The following TBC1D32 variants were observed in gnomAD, a reference collection of about 807,000 sequenced individuals.
The protein encoded by TBC1D32 is protein broad-minded.
Under a neutral mutation model 170.3 loss-of-function variants are expected in TBC1D32, and 151 were observed. That is an observed-to-expected ratio of 0.89 (90% CI 0.78 to 1.01). The LOEUF (loss-of-function observed/expected upper bound fraction) is 1.01, where lower values mean the gene tolerates loss of function less well. TBC1D32 is among the 50% of genes least tolerant of loss of function. The probability of loss-of-function intolerance (pLI) is 0.00; values close to 1 mark genes in which losing one functional copy is unlikely to be tolerated. For missense variants in TBC1D32, 1,464 were observed against 1,457.1 expected, an observed-to-expected ratio of 1.00 and a Z score of -0.08; for synonymous variants, 498 against 488.0, an observed-to-expected ratio of 1.02 and a Z score of -0.27.
intron 11 of TBC1D32, among the ~76,000 whole-genome samples, chr6:121,294,035 AAAGACTAAGAG>A (rs1805255720): frequency 6.6e-6 from 1 of 152,208 alleles, no homozygotes; most frequent in Non-Finnish European, 1.5e-5. Context: ...AATGCAAAAA[AAAGACTAAGAG>A]AAGATTCATT....
At chr6:121,223,071 T>C (rs1006593961) in intron 21 of TBC1D32, among the ~76,000 whole-genome samples, 165 bp downstream of exon 21, 4 of 152,200 alleles carry the variant, frequency 2.6e-5, no homozygotes, top group Non-Finnish European at 4.4e-5. Context: ...ATTCCACGCA[T>C]AGAAAATTCA....
At chr6:121,161,992 C>A (rs755869196) in intron 22 of TBC1D32, among the ~76,000 whole-genome samples, 2 of 152,100 alleles carry the variant, frequency 1.3e-5, no homozygotes, top group African/African-American at 2.4e-5. Context: ...TTTTGAGAAG[C>A]ATCTGTTCAT....
At chr6:121,253,127 G>GCTT (rs1798509734) in intron 17 of TBC1D32, among the ~76,000 whole-genome samples, 1 of 152,002 alleles carries the variant, frequency 6.6e-6, no homozygotes, top group South Asian at 2.1e-4. Flanking sequence ...AAACTAAAGA[G>GCTT]CTTCTGCACA....
At chr6:121,183,206 A>G (rs1354709287) in intron 22 of TBC1D32, among the ~76,000 whole-genome samples, 4 of 152,086 alleles carry the variant, frequency 2.6e-5, no homozygotes, top group Non-Finnish European at 5.9e-5. Context: ...AAGTTTCTGT[A>G]CACCGAAGGA....
intron 22 of TBC1D32, among the ~76,000 whole-genome samples, chr6:121,199,435 G>A (rs1230751790): frequency 2.6e-5 from 4 of 151,176 alleles, no homozygotes; most frequent in Non-Finnish European, 4.4e-5. Context: ...GCATAATAGG[G>A]TTAACAGTGG....
intron 15 of TBC1D32, among the ~76,000 whole-genome samples, chr6:121,267,814 G>A (rs1325119466): frequency 1.3e-5 from 2 of 152,114 alleles, no homozygotes; most frequent in Admixed American, 6.6e-5. Flanking sequence ...CTCCTCAAGT[G>A]GGTCCCTGTC....
intron 15 of TBC1D32, among the ~76,000 whole-genome samples, chr6:121,277,466 C>T (rs141306298): frequency 4.4e-5 from 5 of 114,626 alleles, no homozygotes; most frequent in Admixed American, 1.3e-4. Flanking sequence ...CCAGCCTGGG[C>T]GACAGAGAAA....
chr6:121,238,295 T>G (rs1796556359), intron 20 of TBC1D32, among the ~76,000 whole-genome samples: 1 of 152,126 alleles, frequency 6.6e-6, no homozygotes, highest in Admixed American at 6.6e-5. Flanking sequence ...TACCACTCTA[T>G]TCATCCATAT....
At chr6:121,312,025 T>TA (rs1246505211) in intron 3 of TBC1D32, among the ~76,000 whole-genome samples, 1 of 152,024 alleles carries the variant, frequency 6.6e-6, no homozygotes, top group African/African-American at 2.4e-5. Flanking sequence ...TACGCAGCCA[T>TA]AAAAAAGGAT....
chr6:121,135,312 T>C (rs1332058095), intron 24 of TBC1D32, among the ~76,000 whole-genome samples: 1 of 152,184 alleles, frequency 6.6e-6, no homozygotes, highest in East Asian at 1.9e-4. Flanking sequence ...TTTCTATATT[T>C]ATAATCAGGA....
intron 20 of TBC1D32, among the ~76,000 whole-genome samples, chr6:121,231,279 G>A (rs1316273449): frequency 6.6e-6 from 1 of 152,040 alleles, no homozygotes; most frequent in Non-Finnish European, 1.5e-5. Context: ...TGGCTGAGTA[G>A]TATTCCATGG....
At chr6:121,244,409 T>C (rs889791843) in intron 17 of TBC1D32, among the ~76,000 whole-genome samples, 7 of 152,064 alleles carry the variant, frequency 4.6e-5, no homozygotes, top group African/African-American at 1.7e-4. Flanking sequence ...ATGTCCTTTG[T>C]GTTAAGCTAC....
intron 12 of TBC1D32, among the ~76,000 whole-genome samples, chr6:121,289,261 A>G (rs531030102): frequency 1.3e-5 from 2 of 152,294 alleles, no homozygotes; most frequent in East Asian, 1.9e-4. Context: ...AAACCCCATC[A>G]TCTCAGCCCA....
At chr6:121,137,081 T>C (rs1249239311) in intron 24 of TBC1D32, among the ~76,000 whole-genome samples, 1 of 152,106 alleles carries the variant, frequency 6.6e-6, no homozygotes, top group African/African-American at 2.4e-5. Flanking sequence ...TAATATGTCC[T>C]GATAAGAGGT....
chr6:121,149,749 C>T (rs776322598), intron 24 of TBC1D32, among the ~76,000 whole-genome samples: 14 of 152,072 alleles, frequency 9.2e-5, no homozygotes, highest in Non-Finnish European at 1.3e-4. Flanking sequence ...GGCTCTCTAT[C>T]GGTTCCACAT....
At chr6:121,289,594 A>G (rs190501943) in intron 12 of TBC1D32, among the ~76,000 whole-genome samples, 5 of 152,356 alleles carry the variant, frequency 3.3e-5, no homozygotes, top group Admixed American at 2.6e-4. Context: ...TATAGATTCA[A>G]TCCCATCCCC....
intron 26 of TBC1D32, among the ~76,000 whole-genome samples, chr6:121,123,475 C>T (rs73768914): frequency 0.032 from 4,891 of 152,140 alleles, 264 homozygotes; most frequent in African/African-American, 0.11. Flanking sequence ...GATCCCTTTA[C>T]CATTATATAA....
At chr6:121,148,841 T>C (rs1783823551) in intron 24 of TBC1D32, among the ~76,000 whole-genome samples, 1 of 152,108 alleles carries the variant, frequency 6.6e-6, no homozygotes, top group Non-Finnish European at 1.5e-5. Flanking sequence ...GTTGAACTCC[T>C]GACCTCAGGT....
At chr6:121,147,806 A>T (rs1217474727) in intron 24 of TBC1D32, among the ~76,000 whole-genome samples, 2 of 151,512 alleles carry the variant, frequency 1.3e-5, no homozygotes, top group Admixed American at 6.6e-5. Flanking sequence ...GTTAGTCAGG[A>T]TGGTCTTGAT....
Sources: allele counts gnomAD v4.1 joint callset (sites outside exome capture counted in the v4.1 genomes callset), GRCh38; gene constraint gnomAD v4.1.1; transcripts MANE v1.5; gene names NCBI Gene and HGNC (gene_info 2026-07-23, HGNC 2026-07-21).